The following DMD variants were observed in gnomAD, a reference collection of about 807,000 sequenced individuals.
DMD encodes mutant dystrophin.
DMD carries 63 observed loss-of-function variants against 330.1 expected under a neutral mutation model. That is an observed-to-expected ratio of 0.19 (90% confidence interval 0.16 to 0.24). The LOEUF (loss-of-function observed/expected upper bound fraction) is 0.24. Ranked by LOEUF, DMD falls within the 10% of genes least tolerant of loss-of-function variation. DMD has a pLI of 1.00. For missense variants in DMD, 3,344 were observed against 2,684.1 expected, an observed-to-expected ratio of 1.25 and a Z score of -5.43; for synonymous variants, 1,223 against 959.8, an observed-to-expected ratio of 1.27 and a Z score of -5.07.
chrX:32,708,173 T>C (rs1364363045), intron 7 of DMD, among the ~76,000 whole-genome samples: 2 of 111,999 alleles, frequency 1.8e-5, no homozygotes, highest in African/African-American at 3.2e-5. Flanking sequence ...TGGTTATTAT[T>C]CTTTCTGGTA....
intron 1 of DMD, among the ~76,000 whole-genome samples, chrX:33,233,339 A>G: frequency 8.9e-6 from 1 of 112,045 alleles, no homozygotes; most frequent in East Asian, 2.8e-4. Context: ...AATCCTGTAC[A>G]TTAGGGTTCA....
At chrX:32,642,192 C>T (rs773733939) in intron 11 of DMD, among the ~76,000 whole-genome samples, 15 of 111,825 alleles carry the variant, frequency 1.3e-4, no homozygotes, top group African/African-American at 4.5e-4. Context: ...TATAAACTCT[C>T]ATATTATTTC....
intron 44 of DMD, among the ~76,000 whole-genome samples, chrX:32,092,147 A>G (rs1245092390): frequency 1.8e-5 from 2 of 111,682 alleles, no homozygotes; most frequent in African/African-American, 6.5e-5. Context: ...CCAGTGGTTT[A>G]AAAGATTTCT....
intron 44 of DMD, among the ~76,000 whole-genome samples, chrX:32,040,107 G>T (rs1030504283): frequency 1.8e-5 from 2 of 111,679 alleles, no homozygotes; most frequent in African/African-American, 3.3e-5. Context: ...TAAATAAAAA[G>T]TATTTTTTCT....
At chrX:31,267,922 T>A (rs1336942503) in intron 62 of DMD, among the ~76,000 whole-genome samples, 2 of 112,738 alleles carry the variant, frequency 1.8e-5, no homozygotes, top group Non-Finnish European at 3.7e-5. Context: ...TTAGTGATAT[T>A]TTCACTGCCC....
intron 74 of DMD, among the ~76,000 whole-genome samples, chrX:31,168,379 A>T (rs73462317): frequency 0.1 from 11,622 of 110,992 alleles, 1,096 homozygotes; most frequent in African/African-American, 0.29. Flanking sequence ...AAGTAGAGTC[A>T]GTATGGAGGA....
At chrX:31,972,308 T>C (rs1181970097) in intron 44 of DMD, among the ~76,000 whole-genome samples, 6 of 111,548 alleles carry the variant, frequency 5.4e-5, no homozygotes, top group African/African-American at 9.8e-5. Context: ...AGAGGAAACA[T>C]AGGCAAAGAA....
intron 7 of DMD, among the ~76,000 whole-genome samples, chrX:32,746,841 C>T (rs2070086336): frequency 9.0e-6 from 1 of 111,223 alleles, no homozygotes; most frequent in Admixed American, 9.6e-5. Context: ...TGTTAACTAG[C>T]TTGTCCCTTT....
At chrX:31,510,695 G>C (rs1226131736) in intron 55 of DMD, among the ~76,000 whole-genome samples, 1 of 108,784 alleles carries the variant, frequency 9.2e-6, no homozygotes, top group Non-Finnish European at 1.9e-5. Context: ...ATTTTTAGTA[G>C]AAACAGGGTT....
intron 20 of DMD, among the ~76,000 whole-genome samples, chrX:32,487,147 T>A (rs1362176577): frequency 9.0e-6 from 1 of 111,256 alleles, no homozygotes; most frequent in Non-Finnish European, 1.9e-5. Flanking sequence ...CTCAAAAAAA[T>A]TTACAAGAAA....
intron 44 of DMD, among the ~76,000 whole-genome samples, chrX:32,085,371 G>A (rs2096424159): frequency 9.2e-6 from 1 of 109,028 alleles, no homozygotes; most frequent in Non-Finnish European, 1.9e-5. Context: ...GTGAACTTTG[G>A]ATTTTTAGTG....
At chrX:31,305,076 T>C (rs2054926144) in intron 62 of DMD, among the ~76,000 whole-genome samples, 1 of 111,900 alleles carries the variant, frequency 8.9e-6, no homozygotes, top group Admixed American at 9.5e-5. Flanking sequence ...GCACAGAAGC[T>C]CTTCAAGCCA....
intron 2 of DMD, among the ~76,000 whole-genome samples, chrX:32,989,899 T>C (rs1433676961): frequency 1.8e-5 from 2 of 112,030 alleles, no homozygotes; most frequent in Non-Finnish European, 3.8e-5. Flanking sequence ...AGGGCCAGAA[T>C]CTAATTAATC....
chrX:31,987,434 C>T (rs2095517511), intron 44 of DMD, among the ~76,000 whole-genome samples: 1 of 111,765 alleles, frequency 8.9e-6, no homozygotes, highest in African/African-American at 3.3e-5. Flanking sequence ...TGACAATCCT[C>T]TCCCCATTCT....
Position 31,787,848 on chromosome X carries a change from T to C in DMD, c.7310-13656A>G, listed in dbSNP as rs749227974. Among the ~76,000 whole-genome samples, 3 of 111,854 alleles carry C rather than the reference T, an allele frequency of 2.7e-5. No individual in the cohort carries two copies. In the East Asian group the frequency reaches 8.4e-4, roughly 31 times the overall value. The stretch of plus-strand genomic sequence containing the variant: ...TAGAAAACCATACTATGCCCAGAAG[T>C]GCGACAACTACCAACCATACAAAAG... On this transcript the variant is annotated intron_variant, in intron 50 of 78. Coordinates refer to ENST00000357033, the MANE Select transcript of DMD (RefSeq NM_004006.3).
chrX:31,683,541 T>C (rs2082503026), intron 52 of DMD, among the ~76,000 whole-genome samples: 1 of 112,443 alleles, frequency 8.9e-6, no homozygotes, highest in African/African-American at 3.2e-5. Context: ...AAATCTGGGA[T>C]TGGCCGTCAC....
At chrX:31,788,931 C>A (rs2091440003) in intron 50 of DMD, among the ~76,000 whole-genome samples, 1 of 110,198 alleles carries the variant, frequency 9.1e-6, no homozygotes, top group South Asian at 3.8e-4. Context: ...ACCAAAATAT[C>A]TTTTTCTATC....
chrX:32,382,145 C>T (rs1424102847), intron 33 of DMD, among the ~76,000 whole-genome samples: 1 of 111,387 alleles, frequency 9.0e-6, no homozygotes, highest in African/African-American at 3.3e-5. Context: ...AGAGCAAAAG[C>T]TTTATTTACA....
At chrX:32,573,502 A>G (rs1229015083) in intron 15 of DMD, 28 bp downstream of exon 15, 2 of 1,118,822 alleles carry the variant, frequency 1.8e-6, no homozygotes, top group Non-Finnish European at 2.5e-6. Flanking sequence ...GGTTTTTATA[A>G]GACCATTGAA....
Sources: allele counts gnomAD v4.1 joint callset (sites outside exome capture counted in the v4.1 genomes callset), GRCh38; gene constraint gnomAD v4.1.1; transcripts MANE v1.5; gene names NCBI Gene and HGNC (gene_info 2026-07-23, HGNC 2026-07-21).